CREM: variants seen among roughly 807,000 people sequenced by gnomAD.
CREM encodes the protein cAMP responsive element modulator.
CREM carries 13 observed loss-of-function variants against 37.3 expected under a neutral mutation model. The observed-to-expected ratio is 0.35, with a 90% confidence interval of 0.23 to 0.55. CREM has a LOEUF of 0.55. CREM is among the 20% of genes least tolerant of loss of function. The pLI is 0.88. For missense variants in CREM, 296 were observed against 362.3 expected (o/e 0.82, Z 1.49); for synonymous variants, 124 against 120.2 (o/e 1.03, Z -0.21).
chr10:35,139,538 T>C (rs1383256186), intron 2 of CREM, among the ~76,000 whole-genome samples: 1 of 152,234 alleles, frequency 6.6e-6, no homozygotes, highest in African/African-American at 2.4e-5. Context: ...TTTTATTGTT[T>C]TATCCTTACA....
chr10:35,174,983 T>C (rs891033778), intron 3 of CREM, among the ~76,000 whole-genome samples: 3 of 152,212 alleles, frequency 2.0e-5, no homozygotes, highest in Non-Finnish European at 4.4e-5. Context: ...GCATGAGCTT[T>C]CTCTGGGTCA....
At position 35,158,812 on chromosome 10, in the gene CREM, GTTTTGTTTGT is replaced by G. The variant is rs1386125993; in HGVS notation, c.168+10326_168+10335del. Among the ~76,000 whole-genome samples the G allele has an allele frequency of 1.5e-4, 10 of 65,212 alleles. No individual in the cohort carries two copies. In the South Asian group the frequency reaches 3.1e-3, roughly 20 times the overall value. 42.8% of individuals were successfully genotyped at this position (65,212 alleles called of 152,430 possible). ...GCAAATATAGTGTTTTTTTTTTGTT[GTTTTGTTTGT>G]TTTTTTTTTTTTTTTACAGACTTAG... is the stretch of plus-strand genomic sequence containing the variant. On this transcript the variant is annotated intron_variant, in intron 3 of 7. Coordinates refer to ENST00000685392, the MANE Select transcript of CREM (RefSeq NM_183011.2).
At chr10:35,165,711 A>G (rs1305446460) in intron 3 of CREM, among the ~76,000 whole-genome samples, 2 of 151,494 alleles carry the variant, frequency 1.3e-5, no homozygotes, top group African/African-American at 4.8e-5. Flanking sequence ...GTACTTTAAT[A>G]TATATATTAT....
intron 5 of CREM, among the ~76,000 whole-genome samples, chr10:35,186,028 T>G (rs1355398972): frequency 6.6e-6 from 1 of 152,238 alleles, no homozygotes; most frequent in African/African-American, 2.4e-5. Flanking sequence ...TGGAAATGAC[T>G]TGAAAATATT....
At chr10:35,201,547 G>A (rs559171967) in intron 6 of CREM, 24 of 1,548,852 alleles carry the variant, frequency 1.5e-5, no homozygotes, top group African/African-American at 5.5e-5. Context: ...CTGCTGTACC[G>A]TGTTTAAAGC....
intron 6 of CREM, among the ~76,000 whole-genome samples, chr10:35,196,724 G>A (rs1458374208): frequency 6.6e-6 from 1 of 152,004 alleles, no homozygotes; most frequent in East Asian, 1.9e-4. Context: ...GAACCAGAAG[G>A]CACTTTTGTA....
At chr10:35,187,140 ATATATAATAT>A (rs2094644392) in intron 5 of CREM, among the ~76,000 whole-genome samples, 1 of 68,584 alleles carries the variant, frequency 1.5e-5, no homozygotes, top group South Asian at 3.5e-4. Context: ...TAATATATTA[ATATATAATAT>A]ATATAATATA....
chr10:35,201,277 T>A (rs971096651), intron 6 of CREM, among the ~76,000 whole-genome samples: 3 of 152,206 alleles, frequency 2.0e-5, no homozygotes, highest in Non-Finnish European at 4.4e-5. Context: ...TTAACTAATA[T>A]ACGGTATAAG....
At chr10:35,130,425 C>A in intron 1 of CREM, among the ~76,000 whole-genome samples, 1 of 152,034 alleles carries the variant, frequency 6.6e-6, no homozygotes, top group Non-Finnish European at 1.5e-5. Context: ...AGAGAATAAG[C>A]AAGAACAAAG....
At chr10:35,204,596 CAAAAAAAA>C (rs397845623) in intron 6 of CREM, among the ~76,000 whole-genome samples, 2 of 89,510 alleles carry the variant, frequency 2.2e-5, no homozygotes, top group Non-Finnish European at 4.4e-5. Context: ...AACTACGTCT[CAAAAAAAA>C]AAAAAAAAAA....
chr10:35,130,247 C>T (rs2089089308), intron 1 of CREM, among the ~76,000 whole-genome samples: 1 of 145,760 alleles, frequency 6.9e-6, no homozygotes, highest in African/African-American at 2.5e-5. Flanking sequence ...TATCTCATTA[C>T]ACAATAGGTA....
intron 1 of CREM, among the ~76,000 whole-genome samples, chr10:35,133,396 C>G (rs1227134442): frequency 6.6e-6 from 1 of 151,834 alleles, no homozygotes; most frequent in African/African-American, 2.4e-5. Flanking sequence ...CAGCCTTCGC[C>G]TCCCAGATTC....
chr10:35,142,009 CAG>C (rs1273692732), intron 2 of CREM, among the ~76,000 whole-genome samples: 4 of 152,244 alleles, frequency 2.6e-5, no homozygotes, highest in Admixed American at 6.5e-5. Context: ...GATTTAGTGA[CAG>C]AGATTAGTTA....
chr10:35,167,890 A>G lies in CREM; in HGVS notation c.169-10999A>G, dbSNP rs543343965. 1.4e-4 allele frequency: 165 copies of G among 1,222,176 alleles called. No homozygotes were observed. The African/African-American group carries it at 2.0e-3, about 15-fold the overall frequency. 75.7% of individuals were successfully genotyped at this position (1,222,176 alleles called of 1,614,324 possible). On this transcript the variant is annotated intron_variant, in intron 3 of 7. Coordinates refer to ENST00000685392, the MANE Select transcript of CREM (RefSeq NM_183011.2). Reference sequence around the variant, plus strand: ...AATTGTGAAATATAAAATAACATCCATTTTATGTTTTAGTTTTTTGTTCTT... The same window carrying G: ...AATTGTGAAATATAAAATAACATCCGTTTTATGTTTTAGTTTTTTGTTCTT...
At chr10:35,162,607 C>A (rs2136441606) in intron 3 of CREM, among the ~76,000 whole-genome samples, 1 of 152,136 alleles carries the variant, frequency 6.6e-6, no homozygotes, top group African/African-American at 2.4e-5. Context: ...GCTTTCCTTG[C>A]CCAGTCTTTC....
chr10:35,186,809 TTGTACATAACA>T (rs1215182004), intron 5 of CREM, among the ~76,000 whole-genome samples: 3 of 124,006 alleles, frequency 2.4e-5, no homozygotes, highest in Admixed American at 9.7e-5. Flanking sequence ...TTATATATAA[TTGTACATAACA>T]TATATACATA....
Position 35,211,246 on chromosome 10 carries a change from G to A in CREM, c.756-8G>A. The A allele has an allele frequency of 6.2e-7, 1 of 1,611,672 alleles. No individual in the cohort carries two copies. The highest frequency in any genetic ancestry group is 2.2e-5 in the East Asian group (1 of 44,868). ...TTCCTGTAGTCATTTGCCTTGTGTT[G>A]CTTCCAGGGAAGCTGCCCGGGAGTG... On this transcript the variant is annotated splice_region_variant and splice_polypyrimidine_tract_variant and intron_variant, in intron 7 of 7. Transcript: ENST00000685392.
chr10:35,201,545 C>G lies in CREM; in HGVS notation c.599-5350C>G, dbSNP rs2095385116. The G allele has an allele frequency of 9.7e-6, 15 of 1,549,652 alleles. No individual in the cohort carries two copies. The South Asian group carries it at 1.7e-4, about 17-fold the overall frequency. Reference sequence around the variant, plus strand: ...CAAACCCCATGCTTTTTCTGCTGTACCGTGTTTAAAGCTTGCAAAGAGAGA... The same window carrying G: ...CAAACCCCATGCTTTTTCTGCTGTAGCGTGTTTAAAGCTTGCAAAGAGAGA... On this transcript the variant is annotated intron_variant, in intron 6 of 7. Coordinates refer to ENST00000685392, the MANE Select transcript of CREM (RefSeq NM_183011.2).
At chr10:35,189,432 T>C (rs542650892) in intron 6 of CREM, among the ~76,000 whole-genome samples, 1 of 152,332 alleles carries the variant, frequency 6.6e-6, no homozygotes, top group Admixed American at 6.5e-5. Context: ...ATTCTATTCC[T>C]CTTGGTCCAT....
Sources: gnomAD v4.1 joint callset for allele counts (sites outside exome capture counted in the v4.1 genomes callset) on GRCh38, gnomAD v4.1.1 for gene constraint, MANE v1.5 for transcripts, NCBI Gene and HGNC (gene_info 2026-07-23, HGNC 2026-07-21) for gene names.